The following BEGAIN variants were observed in gnomAD, a reference collection of about 807,000 sequenced individuals.
BEGAIN encodes brain-enriched guanylate kinase-associated protein.
BEGAIN carries 19 observed loss-of-function variants against 35.8 expected under a neutral mutation model. That is an observed-to-expected ratio of 0.53 (90% CI 0.37 to 0.78). BEGAIN has a LOEUF of 0.78. Among genes scored for constraint, BEGAIN ranks in the 30% least tolerant of loss-of-function variants. BEGAIN has a pLI of 0.00. For missense variants in BEGAIN, 795 were observed against 853.6 expected, an observed-to-expected ratio of 0.93 and a Z score of 0.85; for synonymous variants, 462 against 388.6, an observed-to-expected ratio of 1.19 and a Z score of -2.22.
Position 100,537,727 on chromosome 14 carries a change from A to G in BEGAIN, c.*242T>C. 2.1e-6 allele frequency: 1 copy of G among 484,500 alleles called. No homozygotes were observed. Among genetic ancestry groups the G allele is most frequent in the Non-Finnish European group, 3.6e-6 (1 of 280,586 alleles). 30.0% of individuals were successfully genotyped at this position (484,500 alleles called of 1,614,324 possible). A position where few individuals can be genotyped will look rare whatever the true frequency, so the allele number is the denominator to read the frequency against. On this transcript the variant is annotated 3_prime_UTR_variant, in exon 7 of 7. Transcript: ENST00000554140. ...GGGGATGCTCCTCTCACATGGGGGA[A>G]GGACGCGTGAAAAACGCTCTAAGTG...
At position 100,537,710 on chromosome 14, in the gene BEGAIN, T is replaced by G; in HGVS notation, c.*259A>C. ...TTTCGCTTTATAAAAGGGGGGATGC[T>G]CCTCTCACATGGGGGAAGGACGCGT... On this transcript the variant is annotated 3_prime_UTR_variant, in exon 7 of 7. Transcript: ENST00000554140. 1 of 449,588 alleles carries G rather than the reference T, an allele frequency of 2.2e-6. No homozygotes were observed. The allele number at this position is 449,588 out of a possible 1,614,324, so 27.8% of individuals were successfully genotyped here. A position where few individuals can be genotyped will look rare whatever the true frequency, so the allele number is the denominator to read the frequency against.
At chr14:100,544,378 A>AC (rs1291111644) in intron 4 of BEGAIN, among the ~76,000 whole-genome samples, 2 of 152,090 alleles carry the variant, frequency 1.3e-5, no homozygotes, top group African/African-American at 4.8e-5. Flanking sequence ...CAGGCCTGCC[A>AC]CCCCCCGTCT....
At chr14:100,575,777 ACT>A (rs1646627385) in intron 1 of BEGAIN, among the ~76,000 whole-genome samples, 1 of 151,844 alleles carries the variant, frequency 6.6e-6, no homozygotes, top group African/African-American at 2.4e-5. Context: ...GGGTGGGGCC[ACT>A]CTGGCCAGGC....
Position 100,558,517 on chromosome 14 carries a change from A to G in BEGAIN, c.71+9394T>C, listed in dbSNP as rs1331150578. The stretch of plus-strand genomic sequence containing the variant: ...TCACCAGTGGCAACCCTAGCCAGCA[A>G]ATACCATCTCTCTGCTGAGGCCCCC... On this transcript the variant is annotated intron_variant, in intron 2 of 6. Transcript: ENST00000554140. The surrounding 1 kb of genome is among the most constrained non-coding windows in gnomAD (Gnocchi z 4.6). Among the ~76,000 whole-genome samples the G allele has an allele frequency of 6.6e-6, 1 of 152,024 alleles. No individual in the cohort carries two copies. The highest frequency in any genetic ancestry group is 1.5e-5 in the Non-Finnish European group (1 of 67,994).
At position 100,538,437 on chromosome 14, in the gene BEGAIN, G is replaced by A. The variant is rs1448167924; in HGVS notation, c.1371C>T (p.Arg457=). The change falls in exon 7 of 7, where the codon CGC becomes CGT. Residue 457 remains arginine (R), a synonymous_variant. Coordinates refer to ENST00000554140, the MANE Select transcript of BEGAIN (RefSeq NM_001385089.1). The part of the protein sequence containing the change: ...AYSYPVSAAG[R]ASPCSFSERY... The stretch of plus-strand genomic sequence containing the variant: ...GTTCAGAGAAGCTGCAGGGTGAGGC[G>A]CGGCCGGCAGCGCTCACGGGGTAGG... The A allele has an allele frequency of 5.0e-6, 8 of 1,587,654 alleles. No individual in the cohort carries two copies. Among genetic ancestry groups the A allele is most frequent in the East Asian group, 2.3e-5 (1 of 44,418 alleles).
At chr14:100,556,098 G>T (rs1269284062) in intron 2 of BEGAIN, among the ~76,000 whole-genome samples, 2 of 152,104 alleles carry the variant, frequency 1.3e-5, no homozygotes, top group Non-Finnish European at 2.9e-5. Flanking sequence ...GTGAGCTTTG[G>T]TCATCACCAG....
In BEGAIN at chr14:100,558,017, A is replaced by C. The variant is rs2033911669; in HGVS notation, c.71+9894T>G. Among the ~76,000 whole-genome samples, 1 of 151,988 alleles carries C rather than the reference A, an allele frequency of 6.6e-6. No individual in the cohort carries two copies. Among genetic ancestry groups the C allele is most frequent in the Non-Finnish European group, 1.5e-5 (1 of 67,978 alleles). On this transcript the variant is annotated intron_variant, in intron 2 of 6. Coordinates refer to ENST00000554140, the MANE Select transcript of BEGAIN (RefSeq NM_001385089.1). This position sits in a 1 kb window ranked among gnomAD's most constrained non-coding sequence, Gnocchi z 4.6. ...CCCTCAGCTGGGCTGGACCGTGGCC[A>C]CTGGCTTCCCCCAGCTGCAGGTGGG...
intron 2 of BEGAIN, among the ~76,000 whole-genome samples, chr14:100,562,240 C>G (rs2034321287): frequency 6.6e-6 from 1 of 152,064 alleles, no homozygotes; most frequent in South Asian, 2.1e-4. Context: ...TGGGTGCCGC[C>G]AGGTGGCCAG....
intron 1 of BEGAIN, among the ~76,000 whole-genome samples, chr14:100,585,405 C>CCA (rs2035420064): frequency 1.4e-5 from 1 of 71,948 alleles, no homozygotes; most frequent in Admixed American, 1.3e-4. Flanking sequence ...CCATCCATCC[C>CCA]TCCCTCCCTC....
rs1344902866 is a variant in BEGAIN at position 100,568,070 on chromosome 14, C to T, written c.43-131G>A. On this transcript the variant is annotated intron_variant, in intron 1 of 6. Coordinates refer to ENST00000554140, the MANE Select transcript of BEGAIN (RefSeq NM_001385089.1). This position sits in a 1 kb window ranked among gnomAD's most constrained non-coding sequence, Gnocchi z 7.5. ...CCCGTCCGTGGGAAGCCCGGCGCCGCGCGTCCCCAGCTTCCAGTCCCGGCC... is the reference window on the plus strand; with the variant it reads ...CCCGTCCGTGGGAAGCCCGGCGCCGTGCGTCCCCAGCTTCCAGTCCCGGCC... 5 of 1,090,038 alleles carry T rather than the reference C, an allele frequency of 4.6e-6. No individual in the cohort carries two copies. Among genetic ancestry groups the T allele is most frequent in the Non-Finnish European group, 4.5e-6 (4 of 897,904 alleles). 67.5% of individuals were successfully genotyped at this position (1,090,038 alleles called of 1,614,324 possible).
chr14:100,564,133 T>A (rs948829799), intron 2 of BEGAIN, among the ~76,000 whole-genome samples: 1 of 147,952 alleles, frequency 6.8e-6, no homozygotes, highest in African/African-American at 2.5e-5. Flanking sequence ...AGGATGGGGC[T>A]GTCTGTGGGG....
intron 2 of BEGAIN, among the ~76,000 whole-genome samples, chr14:100,559,202 G>A (rs781572311): frequency 2.0e-5 from 3 of 152,118 alleles, no homozygotes; most frequent in Non-Finnish European, 2.9e-5. Context: ...GGAGCTGCGC[G>A]GTGGGCCCAG....
At chr14:100,559,200 G>A (rs949799310) in intron 2 of BEGAIN, among the ~76,000 whole-genome samples, 1 of 152,002 alleles carries the variant, frequency 6.6e-6, no homozygotes. Flanking sequence ...GGGGAGCTGC[G>A]CGGTGGGCCC....
At position 100,546,612 on chromosome 14, in the gene BEGAIN, G is replaced by T. The variant is rs1198509577; in HGVS notation, c.122C>A (p.Thr41Lys). The stretch of plus-strand genomic sequence containing the variant: ...GGTCTCGAGCTTCTCGAGCTTGTGT[G>T]TGGTGTAGGACAGCCGCTTGCGCAG... ...GELRKRLSYT[T>K]HKLEKLETEF... Residue 41 changes from threonine to lysine, a missense_variant, in exon 3 of 7, where the codon ACA becomes AAA. Physicochemically the swap from Thr to Lys is moderately conservative, Grantham distance 78. Transcript: ENST00000554140. 2 of 1,592,720 alleles carry T rather than the reference G, an allele frequency of 1.3e-6. No individual in the cohort carries two copies. The highest frequency in any genetic ancestry group is 3.4e-5 in the Admixed American group (2 of 58,248).
At chr14:100,570,678 G>T (rs111532615) in intron 1 of BEGAIN, among the ~76,000 whole-genome samples, 36,373 of 151,898 alleles carry the variant, frequency 0.24, 5,608 homozygotes, top group East Asian at 0.62. Context: ...TTTATGGGTG[G>T]CTAGGGAGAA....
chr14:100,583,682 G>A (rs1259935573), intron 1 of BEGAIN, among the ~76,000 whole-genome samples: 4 of 82,928 alleles, frequency 4.8e-5, no homozygotes, highest in Admixed American at 2.4e-4. Context: ...TCTCTCTTTC[G>A]TTTTTCTTCC....
chr14:100,543,815 C>T, intron 5 of BEGAIN, 43 bp downstream of exon 5: 2 of 1,519,580 alleles, frequency 1.3e-6, no homozygotes, highest in South Asian at 2.3e-5. Flanking sequence ...CTCGCCTAGG[C>T]CCACCGGCAG....
In BEGAIN at chr14:100,538,583, G is replaced by T. The variant is rs1025149310; in HGVS notation, c.1225C>A (p.Gln409Lys). The T allele has an allele frequency of 4.5e-6, 7 of 1,547,614 alleles. No homozygotes were observed. The highest frequency in any genetic ancestry group is 6.1e-6 in the Non-Finnish European group (7 of 1,146,188). ...FRFPASPGPQQALMPPNLWSL... is the reference protein window; with the variant it reads ...FRFPASPGPQKALMPPNLWSL... The stretch of plus-strand genomic sequence containing the variant: ...CACAGGTTTGGGGGCATCAGGGCCT[G>T]CTGGGGACCCGGAGAGGCCGGGAAG... The change falls in exon 7 of 7, where the codon CAG becomes AAG. Residue 409 changes from glutamine to lysine, a missense_variant. Gln to Lys is a moderately conservative substitution (Grantham distance 53, BLOSUM62 1). Transcript: ENST00000554140.
Position 100,574,309 on chromosome 14 carries a change from T to C in BEGAIN, c.43-6370A>G, listed in dbSNP as rs892638187. The stretch of plus-strand genomic sequence containing the variant: ...CCAAGAATGTCCTTCCCCTGGGGAA[T>C]TTGGGCACCTGGCCTCGGCTGCAGA... On this transcript the variant is annotated intron_variant, in intron 1 of 6. Coordinates refer to ENST00000554140, the MANE Select transcript of BEGAIN (RefSeq NM_001385089.1). Among the ~76,000 whole-genome samples, 17 of 152,292 alleles carry C rather than the reference T, an allele frequency of 1.1e-4. 1 individual carries two copies. The highest frequency in any genetic ancestry group is 4.1e-4 in the African/African-American group (17 of 41,562).
Sources: allele counts gnomAD v4.1 joint callset (sites outside exome capture counted in the v4.1 genomes callset), GRCh38; gene constraint gnomAD v4.1.1; non-coding constraint Gnocchi (gnomAD v3.1); transcripts MANE v1.5; gene names NCBI Gene and HGNC (gene_info 2026-07-23, HGNC 2026-07-21).